CSGALNACT1: variants seen among roughly 807,000 people sequenced by gnomAD.
CSGALNACT1 encodes the protein beta4GalNAcT-1.
CSGALNACT1 carries 52 observed loss-of-function variants against 51.0 expected under a neutral mutation model. The observed-to-expected ratio is 1.02, with a 90% confidence interval of 0.82 to 1.29. CSGALNACT1 has a LOEUF of 1.29. CSGALNACT1 is among the 50% of genes most tolerant of loss of function. CSGALNACT1 has a pLI of 0.00. For synonymous variants in CSGALNACT1, 341 were observed against 254.4 expected (o/e 1.34, Z -3.24); for missense variants, 935 against 679.2 (o/e 1.38, Z -4.19).
At chr8:19,422,216 G>A (rs974216118) in intron 6 of CSGALNACT1, among the ~76,000 whole-genome samples, 1 of 151,978 alleles carries the variant, frequency 6.6e-6, no homozygotes, top group African/African-American at 2.4e-5. Context: ...TAGAGACAGG[G>A]TCTTGCTCTG....
intron 4 of CSGALNACT1, among the ~76,000 whole-genome samples, chr8:19,478,642 G>A (rs755582193): frequency 2.0e-5 from 3 of 152,052 alleles, no homozygotes; most frequent in Non-Finnish European, 2.9e-5. Context: ...CTGGTACTTC[G>A]CTAATAACAT....
chr8:19,532,845 T>TA (rs536532861), intron 3 of CSGALNACT1, among the ~76,000 whole-genome samples: 34 of 152,298 alleles, frequency 2.2e-4, no homozygotes, highest in African/African-American at 7.9e-4. Flanking sequence ...TGTTTACACA[T>TA]ACCCCACTTC....
At chr8:19,610,877 A>C (rs1305892867) in intron 1 of CSGALNACT1, among the ~76,000 whole-genome samples, 1 of 152,242 alleles carries the variant, frequency 6.6e-6, no homozygotes, top group East Asian at 1.9e-4. Flanking sequence ...AGCCGCCTAC[A>C]GACGGCAAAA....
chr8:19,578,635 T>C (rs745857143), intron 3 of CSGALNACT1, among the ~76,000 whole-genome samples: 1 of 152,118 alleles, frequency 6.6e-6, no homozygotes, highest in Non-Finnish European at 1.5e-5. Context: ...TGTTAGATAC[T>C]ACTCTAAACT....
At chr8:19,636,982 G>C (rs2056154266) in intron 1 of CSGALNACT1, among the ~76,000 whole-genome samples, 1 of 151,894 alleles carries the variant, frequency 6.6e-6, no homozygotes, top group Non-Finnish European at 1.5e-5. Context: ...CTGAGGTCAG[G>C]AATTCGAGAT....
chr8:19,544,908 C>A (rs912841957), intron 3 of CSGALNACT1, among the ~76,000 whole-genome samples: 1 of 152,094 alleles, frequency 6.6e-6, no homozygotes, highest in Non-Finnish European at 1.5e-5. Flanking sequence ...CGTTTACACA[C>A]AGGACACCAG....
At chr8:19,493,612 G>A (rs897022823) in intron 4 of CSGALNACT1, among the ~76,000 whole-genome samples, 4 of 152,092 alleles carry the variant, frequency 2.6e-5, no homozygotes, top group African/African-American at 4.8e-5. Context: ...TTTGACATCT[G>A]GTTTTTAACT....
At chr8:19,488,366 TATAC>T (rs1279400458) in intron 4 of CSGALNACT1, among the ~76,000 whole-genome samples, 5 of 89,446 alleles carry the variant, frequency 5.6e-5, no homozygotes, top group Non-Finnish European at 6.3e-5. Flanking sequence ...TATATTTATA[TATAC>T]ATATATATAT....
At chr8:19,721,038 A>T (rs760629083) in intron 1 of CSGALNACT1, among the ~76,000 whole-genome samples, 10 of 152,192 alleles carry the variant, frequency 6.6e-5, no homozygotes, top group Non-Finnish European at 1.3e-4. Context: ...AGGTGACAAT[A>T]AACATGAGAT....
At chr8:19,425,861 G>A (rs1192263443) in intron 6 of CSGALNACT1, among the ~76,000 whole-genome samples, 2 of 151,968 alleles carry the variant, frequency 1.3e-5, no homozygotes, top group East Asian at 1.9e-4. Flanking sequence ...CTACTCCTGC[G>A]AACATCACTC....
chr8:19,646,751 G>A (rs1012359306), intron 1 of CSGALNACT1, among the ~76,000 whole-genome samples: 1 of 152,020 alleles, frequency 6.6e-6, no homozygotes, highest in Non-Finnish European at 1.5e-5. Flanking sequence ...TCCTATTACA[G>A]TTAACAATTG....
At chr8:19,610,731 C>G (rs375471894) in intron 1 of CSGALNACT1, among the ~76,000 whole-genome samples, 25 of 152,322 alleles carry the variant, frequency 1.6e-4, no homozygotes, top group African/African-American at 6.0e-4. Context: ...TACTTCCACT[C>G]AATAAAACCT....
intron 1 of CSGALNACT1, among the ~76,000 whole-genome samples, chr8:19,723,454 A>T (rs2063234364): frequency 6.6e-6 from 1 of 152,238 alleles, no homozygotes; most frequent in Non-Finnish European, 1.5e-5. Context: ...AAAAAGAATA[A>T]ATCAGTGTTT....
exon 2 of CSGALNACT1, chr8:19,601,819 T>C (rs2050492456): frequency 4.4e-6 from 2 of 454,074 alleles, no homozygotes; most frequent in Non-Finnish European, 8.8e-6. Context: ...TCATTGCTCC[T>C]CTGGGTCAAA....
chr8:19,624,976 C>T (rs1304923550), intron 1 of CSGALNACT1, among the ~76,000 whole-genome samples: 1 of 152,216 alleles, frequency 6.6e-6, no homozygotes, highest in Admixed American at 6.5e-5. Flanking sequence ...TGCACCCAGC[C>T]GGTTTCACCA....
intron 4 of CSGALNACT1, among the ~76,000 whole-genome samples, chr8:19,486,023 C>A (rs1181850200): frequency 1.4e-4 from 22 of 151,892 alleles, no homozygotes; most frequent in Middle Eastern, 3.4e-3. Context: ...ACCTTGGCCT[C>A]CCGAAGTGCT....
At chr8:19,654,971 G>C (rs577215075) in intron 1 of CSGALNACT1, among the ~76,000 whole-genome samples, 1 of 152,072 alleles carries the variant, frequency 6.6e-6, no homozygotes, top group African/African-American at 2.4e-5. Context: ...AAAATCACCT[G>C]ATGGTAGACC....
chr8:19,466,497 C>T (rs976231357), intron 4 of CSGALNACT1, among the ~76,000 whole-genome samples: 1 of 152,200 alleles, frequency 6.6e-6, no homozygotes, highest in Non-Finnish European at 1.5e-5. Context: ...GTATTTTACT[C>T]TAAAATAGTA....
At chr8:19,612,946 GAAAAAAAAAAAAAAAAAAAAA>G (rs1165754811) in intron 1 of CSGALNACT1, among the ~76,000 whole-genome samples, 18 of 15,446 alleles carry the variant, frequency 1.2e-3, no homozygotes, top group East Asian at 2.9e-3. Flanking sequence ...AAAGCAGCTG[GAAAAAAAAAAAAAAAAAAAAA>G]AAAAAAAAAA....
Sources: allele counts gnomAD v4.1 joint callset (sites outside exome capture counted in the v4.1 genomes callset), GRCh38; gene constraint gnomAD v4.1.1; transcripts MANE v1.5; gene names NCBI Gene and HGNC (gene_info 2026-07-23, HGNC 2026-07-21).